The following RABGAP1L variants were observed in gnomAD, a reference collection of about 807,000 sequenced individuals.
RABGAP1L encodes the protein RAB GTPase activating protein 1 like.
RABGAP1L carries 63 observed loss-of-function variants against 137.7 expected under a neutral mutation model. The observed-to-expected ratio is 0.46, with a 90% CI of 0.37 to 0.56. RABGAP1L has a LOEUF of 0.56. RABGAP1L is among the 20% of genes least tolerant of loss of function. The probability of loss-of-function intolerance (pLI) is 0.00; values close to 1 mark genes in which losing one functional copy is unlikely to be tolerated. For missense variants in RABGAP1L, 1,095 were observed against 1,244.0 expected, an observed-to-expected ratio of 0.88 and a Z score of 1.80; for synonymous variants, 431 against 433.7, an observed-to-expected ratio of 0.99 and a Z score of 0.08.
At chr1:174,316,849 T>A (rs1679421626) in intron 11 of RABGAP1L, among the ~76,000 whole-genome samples, 1 of 152,146 alleles carries the variant, frequency 6.6e-6, no homozygotes, top group Non-Finnish European at 1.5e-5. Context: ...AGCTGGCAGT[T>A]GAACCACAAG....
intron 13 of RABGAP1L, among the ~76,000 whole-genome samples, chr1:174,425,645 T>A (rs1409120681): frequency 6.6e-6 from 1 of 152,080 alleles, no homozygotes; most frequent in African/African-American, 2.4e-5. Flanking sequence ...AACAAACACC[T>A]TAGTCTCACT....
intron 15 of RABGAP1L, among the ~76,000 whole-genome samples, chr1:174,698,444 T>A (rs1412432632): frequency 6.6e-6 from 1 of 152,178 alleles, no homozygotes; most frequent in East Asian, 1.9e-4. Context: ...GGGAGGATAG[T>A]CTCACGCTAT....
intron 11 of RABGAP1L, among the ~76,000 whole-genome samples, chr1:174,340,902 T>C (rs1263298545): frequency 6.6e-6 from 1 of 152,234 alleles, no homozygotes; most frequent in Non-Finnish European, 1.5e-5. Context: ...GCGTCTCTTT[T>C]CCTTCACGAC....
chr1:174,929,848 A>ATT (rs58140970), intron 19 of RABGAP1L, among the ~76,000 whole-genome samples: 26 of 124,708 alleles, frequency 2.1e-4, no homozygotes, highest in South Asian at 5.0e-4. Flanking sequence ...GCAAAATTTA[A>ATT]TTTTTTTTTT....
At chr1:174,648,223 T>C (rs1160044331) in intron 14 of RABGAP1L, among the ~76,000 whole-genome samples, 1 of 152,112 alleles carries the variant, frequency 6.6e-6, no homozygotes, top group Non-Finnish European at 1.5e-5. Flanking sequence ...GCTCTGATAT[T>C]AGTTATTTCT....
chr1:174,403,276 TTC>T (rs1200749639), intron 13 of RABGAP1L, among the ~76,000 whole-genome samples: 1 of 150,674 alleles, frequency 6.6e-6, no homozygotes, highest in Non-Finnish European at 1.5e-5. Context: ...ATTTCTTTTC[TTC>T]TCTCTTTTTT....
At chr1:174,191,434 C>T (rs1240295598) in intron 1 of RABGAP1L, among the ~76,000 whole-genome samples, 1 of 152,112 alleles carries the variant, frequency 6.6e-6, no homozygotes, top group African/African-American at 2.4e-5. Context: ...AGATGTACGT[C>T]ACCAGTTTGA....
At chr1:174,326,267 T>C (rs538692029) in intron 11 of RABGAP1L, among the ~76,000 whole-genome samples, 1 of 152,290 alleles carries the variant, frequency 6.6e-6, no homozygotes, top group South Asian at 2.1e-4. Flanking sequence ...GGACAAAGAA[T>C]TCAAAATAGT....
At chr1:174,258,024 C>T (rs1336927844) in intron 7 of RABGAP1L, among the ~76,000 whole-genome samples, 2 of 152,198 alleles carry the variant, frequency 1.3e-5, no homozygotes, top group Non-Finnish European at 2.9e-5. Flanking sequence ...CAGATAATCT[C>T]TGTAAACATC....
intron 13 of RABGAP1L, among the ~76,000 whole-genome samples, chr1:174,459,966 A>G (rs1656482818): frequency 2.6e-5 from 4 of 152,122 alleles, no homozygotes; most frequent in Admixed American, 2.6e-4. Flanking sequence ...TGAGAGAAAG[A>G]TTTCAGAGAA....
At chr1:174,220,410 G>A (rs920334369) in intron 2 of RABGAP1L, among the ~76,000 whole-genome samples, 3 of 152,168 alleles carry the variant, frequency 2.0e-5, no homozygotes, top group African/African-American at 7.2e-5. Context: ...CTCATAGCCT[G>A]TACTCCCAGC....
intron 13 of RABGAP1L, among the ~76,000 whole-genome samples, chr1:174,484,137 A>G (rs367621274): frequency 5.9e-5 from 9 of 152,266 alleles, no homozygotes; most frequent in African/African-American, 2.2e-4. Flanking sequence ...TTTGATTTGC[A>G]TTTCTCTGAT....
intron 18 of RABGAP1L, among the ~76,000 whole-genome samples, chr1:174,784,152 T>G (rs1286086701): frequency 6.6e-6 from 1 of 150,580 alleles, no homozygotes; most frequent in Non-Finnish European, 1.5e-5. Context: ...CCCGAGTAGC[T>G]GGGACTACAG....
intron 18 of RABGAP1L, among the ~76,000 whole-genome samples, chr1:174,764,786 T>TA (rs1458135768): frequency 1.3e-5 from 2 of 152,144 alleles, no homozygotes; most frequent in Admixed American, 6.5e-5. Flanking sequence ...TGTTCTTTCT[T>TA]AGAGTAGCAA....
intron 13 of RABGAP1L, among the ~76,000 whole-genome samples, chr1:174,554,800 A>T (rs1452004567): frequency 2.6e-5 from 4 of 152,182 alleles, no homozygotes; most frequent in Admixed American, 1.3e-4. Flanking sequence ...TAAAGGAAGA[A>T]AATGAAAGTC....
chr1:174,570,912 T>C (rs1282439905), intron 13 of RABGAP1L, among the ~76,000 whole-genome samples: 1 of 152,176 alleles, frequency 6.6e-6, no homozygotes, highest in Non-Finnish European at 1.5e-5. Context: ...CCAATTCCAC[T>C]GCTGGGTATA....
intron 11 of RABGAP1L, among the ~76,000 whole-genome samples, chr1:174,348,932 G>A (rs1348133396): frequency 1.3e-5 from 2 of 152,172 alleles, no homozygotes; most frequent in East Asian, 1.9e-4. Context: ...ATTCCACAAA[G>A]CCGCCATTGT....
chr1:174,350,934 G>A (rs1683112026), intron 11 of RABGAP1L, among the ~76,000 whole-genome samples: 1 of 118,422 alleles, frequency 8.4e-6, no homozygotes, highest in Non-Finnish European at 1.8e-5. Context: ...ACCAAAACCA[G>A]TCAGGCGTGG....
In RABGAP1L at chr1:174,681,119, G is replaced by A. The variant is rs142927931; in HGVS notation, c.1825-2403G>A. 1.2e-4 allele frequency among the ~76,000 whole-genome samples: 19 copies of A among 152,266 alleles called. No individual in the cohort carries two copies. In the East Asian group the frequency reaches 3.5e-3, roughly 28 times the overall value. ...GTGCTCTCATATGTTGCTGCTAGGG[G>A]TGTAATAATTGTATAACCACTTTGG... On this transcript the variant is annotated intron_variant, in intron 14 of 25. Coordinates refer to ENST00000681986, the MANE Select transcript of RABGAP1L (RefSeq NM_001366446.1).
Sources: allele counts gnomAD v4.1 joint callset (sites outside exome capture counted in the v4.1 genomes callset), GRCh38; gene constraint gnomAD v4.1.1; transcripts MANE v1.5; gene names NCBI Gene and HGNC (gene_info 2026-07-23, HGNC 2026-07-21).